Variants in C10orf90 observed in about 807,000 individuals in gnomAD.
C10orf90 encodes the protein (E2-independent) E3 ubiquitin-conjugating enzyme FATS.
Under a neutral mutation model 62.5 loss-of-function variants are expected in C10orf90, and 56 were observed. The observed-to-expected ratio is 0.90, with a 90% CI of 0.72 to 1.12. The LOEUF (loss-of-function observed/expected upper bound fraction) is 1.12. C10orf90 is among the 50% of genes most tolerant of loss of function. The probability of loss-of-function intolerance (pLI) is 0.00; values close to 1 mark genes in which losing one functional copy is unlikely to be tolerated. For missense variants in C10orf90, 970 were observed against 880.4 expected, an observed-to-expected ratio of 1.10 and a Z score of -1.29; for synonymous variants, 386 against 340.4, an observed-to-expected ratio of 1.13 and a Z score of -1.47.
At chr10:126,531,221 C>T (rs569751727) in intron 2 of C10orf90, among the ~76,000 whole-genome samples, 32 of 151,902 alleles carry the variant, frequency 2.1e-4, no homozygotes, top group Non-Finnish European at 4.3e-4. Flanking sequence ...TCAAAGATCT[C>T]TCATGAACAT....
intron 2 of C10orf90, among the ~76,000 whole-genome samples, chr10:126,645,429 C>G (rs1846150417): frequency 6.8e-6 from 1 of 146,528 alleles, no homozygotes; most frequent in Non-Finnish European, 1.5e-5. Context: ...AACAAACAAA[C>G]AAACAAAACA....
chr10:126,669,417 T>C (rs1332527519), intron 1 of C10orf90, among the ~76,000 whole-genome samples: 3 of 152,222 alleles, frequency 2.0e-5, no homozygotes, highest in Non-Finnish European at 4.4e-5. Context: ...GCTTTCCTAA[T>C]AACAGCATCA....
At chr10:126,528,713 T>C (rs1325907314) in intron 2 of C10orf90, among the ~76,000 whole-genome samples, 2 of 152,178 alleles carry the variant, frequency 1.3e-5, no homozygotes, top group Non-Finnish European at 2.9e-5. Context: ...CCTGACCCCA[T>C]CTGGACCTGA....
intron 2 of C10orf90, among the ~76,000 whole-genome samples, chr10:126,601,840 C>T (rs1845204238): frequency 6.6e-6 from 1 of 152,246 alleles, no homozygotes; most frequent in South Asian, 2.1e-4. Flanking sequence ...TGCCCTGGGG[C>T]GTGCCCTGCC....
At chr10:126,646,931 A>G (rs993478337) in intron 1 of C10orf90, among the ~76,000 whole-genome samples, 1 of 152,210 alleles carries the variant, frequency 6.6e-6, no homozygotes, top group East Asian at 1.9e-4. Flanking sequence ...TGGTTAGCAG[A>G]TCAAGGAACC....
chr10:126,494,438 G>A (rs1029449442), intron 4 of C10orf90, among the ~76,000 whole-genome samples: 11 of 152,104 alleles, frequency 7.2e-5, no homozygotes, highest in Admixed American at 7.2e-4. Context: ...GTTGCCCCAT[G>A]GGTCAAATGC....
chr10:126,667,130 C>G (rs1469089728), intron 1 of C10orf90, among the ~76,000 whole-genome samples: 1 of 151,870 alleles, frequency 6.6e-6, no homozygotes, highest in Non-Finnish European at 1.5e-5. Context: ...ACAATCTCGG[C>G]TCATTGCAAG....
chr10:126,470,281 G>A, intron 4 of C10orf90: 1 of 338,438 alleles, frequency 3.0e-6, no homozygotes, highest in South Asian at 2.3e-5. Context: ...GAAGGAAGAG[G>A]CAGTAACAAT....
In C10orf90 at chr10:126,429,862, A is replaced by C. The variant is rs1857471920; in HGVS notation, c.2189-12T>G. ...TTTGAACAAGTTATCTGGAAAAAAT[A>C]GAAAGAGAATTAAGTTCAGAAGGCA... is the stretch of plus-strand genomic sequence containing the variant. On this transcript the variant is annotated splice_polypyrimidine_tract_variant and intron_variant, in intron 7 of 9. Coordinates refer to ENST00000488181, the MANE Select transcript of C10orf90 (RefSeq NM_001350921.2). The C allele has an allele frequency of 6.2e-7, 1 of 1,610,878 alleles. No homozygotes were observed. The highest frequency in any genetic ancestry group is 1.1e-5 in the South Asian group (1 of 91,008).
chr10:126,503,706 T>C (rs1862532764), intron 4 of C10orf90, among the ~76,000 whole-genome samples: 1 of 152,186 alleles, frequency 6.6e-6, no homozygotes, highest in Non-Finnish European at 1.5e-5. Context: ...TCATTACATA[T>C]GGTCTGGAAC....
At chr10:126,632,154 TC>T (rs1368101792) in intron 2 of C10orf90, among the ~76,000 whole-genome samples, 1 of 152,092 alleles carries the variant, frequency 6.6e-6, no homozygotes, top group Non-Finnish European at 1.5e-5. Context: ...TCAGGCCAGG[TC>T]TGCCTGACCT....
At chr10:126,603,345 A>G (rs1350272402) in intron 2 of C10orf90, among the ~76,000 whole-genome samples, 3 of 151,994 alleles carry the variant, frequency 2.0e-5, no homozygotes, top group Non-Finnish European at 2.9e-5. Context: ...CCCTTATAAA[A>G]CCATCAGACC....
chr10:126,621,226 A>G (rs1425193355), intron 2 of C10orf90, among the ~76,000 whole-genome samples: 1 of 152,224 alleles, frequency 6.6e-6, no homozygotes, highest in Non-Finnish European at 1.5e-5. Context: ...GTTTCAACAT[A>G]TAAACTTAGA....
At chr10:126,578,449 T>A (rs1323706588) in intron 2 of C10orf90, among the ~76,000 whole-genome samples, 1 of 152,074 alleles carries the variant, frequency 6.6e-6, no homozygotes, top group Non-Finnish European at 1.5e-5. Flanking sequence ...GACACACCCA[T>A]CAGGATGGCT....
At chr10:126,496,760 C>T (rs1221931939) in intron 4 of C10orf90, 2 of 959,198 alleles carry the variant, frequency 2.1e-6, no homozygotes, top group Non-Finnish European at 2.5e-6. Flanking sequence ...ACACATCAAG[C>T]ACTTAAGGGA....
chr10:126,661,842 G>C (rs1473673384), intron 1 of C10orf90, among the ~76,000 whole-genome samples: 1 of 151,814 alleles, frequency 6.6e-6, no homozygotes, highest in Non-Finnish European at 1.5e-5. Context: ...CCCCATTATG[G>C]TGATGTCTTT....
intron 2 of C10orf90, among the ~76,000 whole-genome samples, chr10:126,643,598 T>A (rs1846107980): frequency 6.6e-6 from 1 of 152,154 alleles, no homozygotes. Flanking sequence ...CAGTTCCAGG[T>A]AAGGGTCCGC....
At chr10:126,460,732 T>C (rs1260513452) in intron 6 of C10orf90, among the ~76,000 whole-genome samples, 1 of 151,914 alleles carries the variant, frequency 6.6e-6, no homozygotes, top group Non-Finnish European at 1.5e-5. Flanking sequence ...GCCCCCTGGG[T>C]ACAGGAGCCA....
chr10:126,577,559 G>T (rs1181033310), intron 2 of C10orf90, among the ~76,000 whole-genome samples: 1 of 152,006 alleles, frequency 6.6e-6, no homozygotes, highest in Admixed American at 6.6e-5. Context: ...CATGTTCATG[G>T]ATTAGAAGAC....
Sources: allele counts gnomAD v4.1 joint callset (sites outside exome capture counted in the v4.1 genomes callset), GRCh38; gene constraint gnomAD v4.1.1; transcripts MANE v1.5; gene names NCBI Gene and HGNC (gene_info 2026-07-23, HGNC 2026-07-21).